The following ARHGEF33 variants were observed in gnomAD, a reference collection of about 807,000 sequenced individuals.
ARHGEF33 encodes DH and coiled-coil domain-containing protein ENSP00000381780.
ARHGEF33 carries 72 observed loss-of-function variants against 101.9 expected under a neutral mutation model. That is an observed-to-expected ratio of 0.71 (90% confidence interval 0.58 to 0.86). The LOEUF is 0.86. Among genes scored for constraint, ARHGEF33 ranks in the 40% least tolerant of loss-of-function variants. The pLI, the probability that ARHGEF33 is intolerant of heterozygous loss-of-function variation, is 0.00. For missense variants in ARHGEF33, 1,169 were observed against 1,111.3 expected (o/e 1.05, Z -0.74); for synonymous variants, 499 against 442.5 (o/e 1.13, Z -1.60).
intron 17 of ARHGEF33, among the ~76,000 whole-genome samples, chr2:38,972,533 T>C (rs977798201): frequency 9.2e-5 from 14 of 152,202 alleles, no homozygotes; most frequent in Non-Finnish European, 1.5e-4. Context: ...ATCTGTGATA[T>C]TGAATATCAG....
At chr2:38,963,368 C>G (rs910878162) in intron 16 of ARHGEF33, among the ~76,000 whole-genome samples, 1 of 152,122 alleles carries the variant, frequency 6.6e-6, no homozygotes, top group Non-Finnish European at 1.5e-5. Flanking sequence ...TGTTTTGTCT[C>G]TTTTAGAGTC....
intron 10 of ARHGEF33, among the ~76,000 whole-genome samples, chr2:38,949,522 C>T (rs570162845): frequency 5.1e-4 from 78 of 152,152 alleles, no homozygotes; most frequent in African/African-American, 1.8e-3. Flanking sequence ...TCTGACGTCT[C>T]CCTTCTTCCC....
chr2:38,941,662 C>T (rs1444431027), intron 9 of ARHGEF33, among the ~76,000 whole-genome samples: 3 of 152,022 alleles, frequency 2.0e-5, no homozygotes, highest in Non-Finnish European at 4.4e-5. Context: ...ATCCCCCTGC[C>T]TCAGCCTCCC....
chr2:38,919,788 G>A (rs1174489098), intron 3 of ARHGEF33, among the ~76,000 whole-genome samples: 1 of 152,146 alleles, frequency 6.6e-6, no homozygotes, highest in Non-Finnish European at 1.5e-5. Flanking sequence ...AAGCATAAAT[G>A]CTTTCTCTTT....
chr2:38,960,760 G>C, intron 16 of ARHGEF33, 112 bp downstream of exon 16: 1 of 919,036 alleles, frequency 1.1e-6, no homozygotes, highest in Non-Finnish European at 1.4e-6. Context: ...GCCAGGCTAG[G>C]GGGCGGCTGC....
At chr2:38,892,910 C>T (rs1427926884) in intron 1 of ARHGEF33, among the ~76,000 whole-genome samples, 1 of 152,158 alleles carries the variant, frequency 6.6e-6, no homozygotes, top group East Asian at 1.9e-4. Context: ...GGCCTCTTTG[C>T]AGCTGCTCTT....
intron 9 of ARHGEF33, among the ~76,000 whole-genome samples, chr2:38,939,624 ATTC>A (rs1667251976): frequency 6.6e-6 from 1 of 152,108 alleles, no homozygotes; most frequent in African/African-American, 2.4e-5. Context: ...CTATTCATAT[ATTC>A]TTCTTTTATA....
chr2:38,913,207 A>G (rs1162511161), intron 2 of ARHGEF33, among the ~76,000 whole-genome samples: 1 of 152,132 alleles, frequency 6.6e-6, no homozygotes, highest in Non-Finnish European at 1.5e-5. Flanking sequence ...GATGAACTTA[A>G]GGAAATACGT....
chr2:38,907,861 T>A (rs536060161), intron 2 of ARHGEF33, among the ~76,000 whole-genome samples: 1 of 134,910 alleles, frequency 7.4e-6, no homozygotes, highest in African/African-American at 3.0e-5. Context: ...TCTGGGAGGA[T>A]TTTTTTTTTT....
rs1432298660 is a variant in ARHGEF33, at chr2:38,960,540, G to C, written c.2235G>C (p.Gln745His). Residue 745 changes from glutamine (Q) to histidine (H), a missense_variant, in exon 16 of 18, where the codon CAG becomes CAC. Coordinates refer to ENST00000409978, the MANE Select transcript of ARHGEF33 (RefSeq NM_001145451.5). ...CCATCAAGGCCGAGCGCGCCGCGCA[G>C]GCGCACGGCCCGGCCGCCGCCGCCG... is the stretch of plus-strand genomic sequence containing the variant. ...RAPIKAERAA[Q>H]AHGPAAAAVA... 4 of 1,259,260 alleles carry C rather than the reference G, an allele frequency of 3.2e-6. No individual in the cohort carries two copies. The highest frequency in any genetic ancestry group is 4.0e-6 in the Non-Finnish European group (4 of 998,164). 78.0% of individuals were successfully genotyped at this position (1,259,260 alleles called of 1,614,324 possible).
intron 7 of ARHGEF33, 139 bp from the exon 8 acceptor site, chr2:38,935,636 T>C: frequency 1.6e-6 from 1 of 612,318 alleles, no homozygotes. Context: ...CACACTATAC[T>C]GTAATTTCTT....
chr2:38,952,611 A>G (rs1290156169), intron 11 of ARHGEF33, among the ~76,000 whole-genome samples: 1 of 152,060 alleles, frequency 6.6e-6, no homozygotes, highest in Non-Finnish European at 1.5e-5. Context: ...TGGTTTCATT[A>G]TTTCACTTTC....
intron 10 of ARHGEF33, 32 bp from the exon 11 acceptor site, chr2:38,950,957 T>C: frequency 6.5e-7 from 1 of 1,547,150 alleles, no homozygotes; most frequent in Non-Finnish European, 8.7e-7. Context: ...CTACACCTTG[T>C]TTGTGTGATT....
intron 10 of ARHGEF33, among the ~76,000 whole-genome samples, chr2:38,945,259 C>T (rs1667413626): frequency 6.6e-6 from 1 of 152,166 alleles, no homozygotes; most frequent in Non-Finnish European, 1.5e-5. Context: ...ACCATCCCCC[C>T]AAATCTATTT....
chr2:38,915,516 G>A lies in ARHGEF33; in HGVS notation c.-85-3847G>A, dbSNP rs1261913710. ...TCTCCTGAGTAGCTGGGATTACAAG[G>A]CGTGTGCCACCAAACCTGGCTAATT... On this transcript the variant is annotated intron_variant, in intron 2 of 17. Coordinates refer to ENST00000409978, the MANE Select transcript of ARHGEF33 (RefSeq NM_001145451.5). Among the ~76,000 whole-genome samples the A allele has an allele frequency of 4.0e-5, 6 of 151,132 alleles. No homozygotes were observed. In the East Asian group the frequency reaches 1.2e-3, roughly 30 times the overall value.
intron 2 of ARHGEF33, among the ~76,000 whole-genome samples, chr2:38,899,837 GAATTAAAAAAAGA>G (rs1558422385): frequency 2.0e-5 from 3 of 151,806 alleles, no homozygotes; most frequent in Non-Finnish European, 4.4e-5. Flanking sequence ...TATAATTTGT[GAATTAAAAAAAGA>G]AATTAAAAAA....
intron 14 of ARHGEF33, 131 bp from the exon 15 acceptor site, chr2:38,957,902 AG>A: frequency 9.1e-7 from 1 of 1,101,800 alleles, no homozygotes; most frequent in Non-Finnish European, 1.3e-6. Flanking sequence ...TAGTTTGCAA[AG>A]GCCCCTGGAG....
At position 38,974,527 on chromosome 2, in the gene ARHGEF33, GGA is replaced by G. The variant is rs1314607854; in HGVS notation, c.*690_*691del. 1 of 152,174 alleles carries G rather than the reference GGA, an allele frequency of 6.6e-6. No homozygotes were observed. The highest frequency in any genetic ancestry group is 1.5e-5 in the Non-Finnish European group (1 of 68,042). 9.4% of individuals were successfully genotyped at this position (152,174 alleles called of 1,614,324 possible). On this transcript the variant is annotated 3_prime_UTR_variant, in exon 18 of 18. Coordinates refer to ENST00000409978, the MANE Select transcript of ARHGEF33 (RefSeq NM_001145451.5). ...GAACAAGGATTTCTGTAGAAACTGG[GGA>G]GAGAGGAAGGCAAAGAAACATTTTC...
At chr2:38,962,881 G>A (rs915955093) in intron 16 of ARHGEF33, among the ~76,000 whole-genome samples, 3 of 141,294 alleles carry the variant, frequency 2.1e-5, no homozygotes, top group Admixed American at 7.2e-5. Flanking sequence ...AAAATTAGCC[G>A]GGCATGGTGG....
Sources: gnomAD v4.1 joint callset for allele counts (sites outside exome capture counted in the v4.1 genomes callset) on GRCh38, gnomAD v4.1.1 for gene constraint, MANE v1.5 for transcripts, NCBI Gene and HGNC (gene_info 2026-07-23, HGNC 2026-07-21) for gene names.